The following ANK2 variants were observed in gnomAD, a reference collection of about 807,000 sequenced individuals.
The protein encoded by ANK2 is ankyrin-2.
A neutral mutation model predicts 360.5 loss-of-function variants in ANK2; 83 were observed. That is an observed-to-expected ratio of 0.23 (90% CI 0.19 to 0.28). The LOEUF (loss-of-function observed/expected upper bound fraction) is 0.28, where lower values mean the gene tolerates loss of function less well. Among genes scored for constraint, ANK2 ranks in the 10% least tolerant of loss-of-function variants. The probability of loss-of-function intolerance (pLI) is 1.00; values close to 1 mark genes in which losing one functional copy is unlikely to be tolerated. For missense variants in ANK2, 4,201 were observed against 4,795.7 expected, an observed-to-expected ratio of 0.88 and a Z score of 3.66; for synonymous variants, 1,740 against 1,759.5, an observed-to-expected ratio of 0.99 and a Z score of 0.28.
intron 45 of ANK2, chr4:113,378,061 C>T: frequency 9.0e-7 from 1 of 1,115,820 alleles, no homozygotes; most frequent in Non-Finnish European, 1.2e-6. Flanking sequence ...TTATGATGAG[C>T]TTTGTCTTTT....
chr4:112,933,864 A>C (rs779200152), intron 2 of ANK2, among the ~76,000 whole-genome samples: 1 of 152,188 alleles, frequency 6.6e-6, no homozygotes, highest in Non-Finnish European at 1.5e-5. Flanking sequence ...AAAATAAGGT[A>C]CAAATAATTA....
At chr4:112,957,007 G>GTTTTTTTTTTTTTT (rs56066718) in intron 2 of ANK2, among the ~76,000 whole-genome samples, 2 of 66,480 alleles carry the variant, frequency 3.0e-5, no homozygotes. Flanking sequence ...TATTGCTCTT[G>GTTTTTTTTTTTTTT]TTTTTTTTTT....
intron 1 of ANK2, chr4:113,160,454 G>A: frequency 3.9e-6 from 1 of 259,102 alleles, no homozygotes; most frequent in Non-Finnish European, 7.8e-6. Context: ...TGCTAATCAA[G>A]GTTTGAAACC....
At chr4:112,833,534 C>T (rs1400802291) in intron 1 of ANK2, among the ~76,000 whole-genome samples, 18 of 146,776 alleles carry the variant, frequency 1.2e-4, no homozygotes, top group Admixed American at 2.7e-4. Context: ...GAGGGAGTCT[C>T]GCTCTGTCCC....
Position 112,888,288 on chromosome 4 carries a change from A to G in ANK2, c.-39-16167A>G, listed in dbSNP as rs571916347. On this transcript the variant is annotated intron_variant, in intron 1 of 30. Coordinates refer to the ANK2 transcript ENST00000503271. The stretch of plus-strand genomic sequence containing the variant: ...AGAATGTTTAATGTCATCATATTTC[A>G]AAGTTAGAGATTATCTAATCACTAT... Among the ~76,000 whole-genome samples, 23 of 152,276 alleles carry G rather than the reference A, an allele frequency of 1.5e-4. No individual in the cohort carries two copies. The East Asian group carries it at 4.4e-3, about 29-fold the overall frequency.
the ANK2 span, among the ~76,000 whole-genome samples, chr4:112,726,197 G>A: frequency 6.6e-6 from 1 of 152,204 alleles, no homozygotes; most frequent in Non-Finnish European, 1.5e-5. Context: ...AGAGCCAGTT[G>A]TAGCTCAAAC....
At position 113,358,681 on chromosome 4, in the gene ANK2, C is replaced by G. The variant is rs1310350689; in HGVS notation, c.10063C>G (p.Gln3355Glu). The G allele has an allele frequency of 6.2e-7, 1 of 1,613,904 alleles. No homozygotes were observed. Among genetic ancestry groups the G allele is most frequent in the African/African-American group, 1.3e-5 (1 of 74,882 alleles). The change falls in exon 38 of 46, where the codon CAA (glutamine) becomes GAA (glutamate). Residue 3355 changes from glutamine to glutamate, a missense_variant. Physicochemically the swap from Gln to Glu is conservative, Grantham distance 29. Transcript: ENST00000357077. ...CAAACTCCCTGTCAAAGTACCCCTC[C>G]AAAGAGTTGAACAGCAGCTCTCAGA... ...KSKLPVKVPL[Q>E]RVEQQLSDLD... is the part of the protein sequence containing the mutation.
intron 2 of ANK2, among the ~76,000 whole-genome samples, chr4:112,956,307 T>G (rs1482403631): frequency 6.6e-6 from 1 of 152,228 alleles, no homozygotes; most frequent in African/African-American, 2.4e-5. Context: ...ATTCCATGGA[T>G]AGAACATTTA....
intron 36 of ANK2, 122 bp from the exon 37 acceptor site, chr4:113,350,106 C>G: frequency 1.2e-6 from 1 of 827,484 alleles, no homozygotes. Flanking sequence ...TTACTCTGAC[C>G]TTCCTATAGC....
intron 2 of ANK2, among the ~76,000 whole-genome samples, chr4:113,188,220 G>A (rs1325467928): frequency 6.6e-6 from 1 of 152,114 alleles, no homozygotes; most frequent in East Asian, 1.9e-4. Context: ...ACAAATTCTG[G>A]ACAAGTACTA....
intron 35 of ANK2, among the ~76,000 whole-genome samples, chr4:113,346,597 C>T (rs111287695): frequency 5.9e-4 from 90 of 152,240 alleles, no homozygotes; most frequent in African/African-American, 2.0e-3. Flanking sequence ...CCTGTAGTCC[C>T]AGCTACTCTG....
chr4:113,288,582 TC>T (rs1460406992), intron 20 of ANK2, 96 bp downstream of exon 20: 1 of 1,062,016 alleles, frequency 9.4e-7, no homozygotes, highest in Non-Finnish European at 1.4e-6. Context: ...TGTATTTTTT[TC>T]TTCCTTTTTA....
chr4:113,348,876 G>T (rs115411841), intron 36 of ANK2, among the ~76,000 whole-genome samples: 1 of 151,946 alleles, frequency 6.6e-6, no homozygotes, highest in African/African-American at 2.4e-5. Flanking sequence ...ACACACCATC[G>T]GAAGTTTTTC....
intron 2 of ANK2, among the ~76,000 whole-genome samples, chr4:112,941,334 T>C (rs1166863816): frequency 6.8e-6 from 1 of 146,384 alleles, no homozygotes; most frequent in Non-Finnish European, 1.5e-5. Context: ...ATAAATATAC[T>C]ACATATAAAA....
intron 1 of ANK2, among the ~76,000 whole-genome samples, chr4:112,885,690 G>C (rs1196922357): frequency 6.7e-6 from 1 of 148,910 alleles, no homozygotes; most frequent in South Asian, 2.1e-4. Flanking sequence ...CCAGCTACTC[G>C]GAAGGCTGTG....
intron 2 of ANK2, among the ~76,000 whole-genome samples, chr4:112,964,317 AC>A (rs554580100): frequency 1.3e-4 from 19 of 146,046 alleles, no homozygotes; most frequent in African/African-American, 4.8e-4. Flanking sequence ...CACTTCCCCC[AC>A]CCTCACCCCC....
At chr4:113,008,941 C>G (rs1169955843) in intron 2 of ANK2, among the ~76,000 whole-genome samples, 1 of 152,148 alleles carries the variant, frequency 6.6e-6, no homozygotes, top group Non-Finnish European at 1.5e-5. Context: ...AAAAATCTTG[C>G]AGCTGCTGAT....
chr4:113,218,602 A>G (rs1377298556), intron 4 of ANK2, among the ~76,000 whole-genome samples: 1 of 152,214 alleles, frequency 6.6e-6, no homozygotes. Context: ...TACTAGCTGC[A>G]GTTGACAGGA....
At chr4:112,903,065 A>G (rs767026464) in intron 1 of ANK2, among the ~76,000 whole-genome samples, 1 of 152,230 alleles carries the variant, frequency 6.6e-6, no homozygotes, top group African/African-American at 2.4e-5. Context: ...AAGAAAATCC[A>G]GGAATTGTTT....
Sources: gnomAD v4.1 joint callset for allele counts (sites outside exome capture counted in the v4.1 genomes callset) on GRCh38, gnomAD v4.1.1 for gene constraint, MANE v1.5 for transcripts, NCBI Gene and HGNC (gene_info 2026-07-23, HGNC 2026-07-21) for gene names.